Variants in GYPE observed in about 807,000 individuals in gnomAD.
GYPE encodes glycophorin E (MNS blood group), also known as glycophorin-E.
A neutral mutation model predicts 11.6 loss-of-function variants in GYPE; 8 were observed. That is an observed-to-expected ratio of 0.69 (90% confidence interval 0.41 to 1.25). The LOEUF (loss-of-function observed/expected upper bound fraction) is 1.25, where lower values mean the gene tolerates loss of function less well. Among genes scored for constraint, GYPE ranks in the 50% most tolerant of loss-of-function variants. The pLI is 0.01. For synonymous variants in GYPE, 28 were observed against 29.6 expected, an observed-to-expected ratio of 0.94 and a Z score of 0.18; for missense variants, 90 against 92.8, an observed-to-expected ratio of 0.97 and a Z score of 0.12.
At chr4:143,872,793 G>T (rs1743660896) in intron 3 of GYPE, among the ~76,000 whole-genome samples, 1 of 152,230 alleles carries the variant, frequency 6.6e-6, no homozygotes, top group East Asian at 1.9e-4. Flanking sequence ...TTAGAACAAA[G>T]TTCCTAAGAA....
chr4:143,905,257 G>A (rs566975542), intron 1 of GYPE, among the ~76,000 whole-genome samples: 2 of 152,236 alleles, frequency 1.3e-5, no homozygotes. Flanking sequence ...TCTCATACTA[G>A]AAAACTGGAT....
At chr4:143,873,172 C>A (rs1337586309) in intron 3 of GYPE, among the ~76,000 whole-genome samples, 1 of 152,068 alleles carries the variant, frequency 6.6e-6, no homozygotes, top group African/African-American at 2.4e-5. Flanking sequence ...TTAGTGATTT[C>A]TTTTTAAAAT....
At chr4:143,891,596 G>A (rs1744409060) in intron 1 of GYPE, among the ~76,000 whole-genome samples, 3 of 151,926 alleles carry the variant, frequency 2.0e-5, no homozygotes, top group Admixed American at 2.0e-4. Context: ...CCAAAGTGAG[G>A]GGATTACAAG....
At position 143,876,826 on chromosome 4, in the gene GYPE, C is replaced by A; in HGVS notation, c.166G>T (p.Ala56Ser). The change falls in exon 3 of 4, where the codon GCT (alanine) becomes TCT (serine). Residue 56 changes from alanine to serine, a missense_variant. Coordinates refer to ENST00000358615, the MANE Select transcript of GYPE (RefSeq NM_198682.3). The stretch of plus-strand genomic sequence containing the variant: ...AGCATCACCTCAAAAATAACACGAG[C>A]CATCGCCCACCAATTAATGAGTGTT... ...GITLINWWAM[A>S]RVIFEVMLVV... 6.2e-7 allele frequency: 1 copy of A among 1,609,860 alleles called. No homozygotes were observed. Among genetic ancestry groups the A allele is most frequent in the Non-Finnish European group, 8.5e-7 (1 of 1,176,808 alleles).
chr4:143,893,929 C>G lies in GYPE; in HGVS notation c.37+11542G>C, dbSNP rs1251701048. 5.9e-5 allele frequency among the ~76,000 whole-genome samples: 9 copies of G among 152,234 alleles called. No individual in the cohort carries two copies. In the East Asian group the frequency reaches 1.7e-3, roughly 29 times the overall value. On this transcript the variant is annotated intron_variant, in intron 1 of 3. Coordinates refer to ENST00000358615, the MANE Select transcript of GYPE (RefSeq NM_198682.3). ...GTTTTCCAACTTGTTTCCATTCTCC[C>G]CATCACTTTCAGGTACACCAATAAG...
At chr4:143,885,271 G>A (rs2007929) in intron 1 of GYPE, among the ~76,000 whole-genome samples, 4 of 152,116 alleles carry the variant, frequency 2.6e-5, no homozygotes, top group Non-Finnish European at 4.4e-5. Flanking sequence ...GAAGTCAGAG[G>A]AGGTGAAAAG....
At chr4:143,901,430 A>G (rs1744863353) in intron 1 of GYPE, among the ~76,000 whole-genome samples, 1 of 151,388 alleles carries the variant, frequency 6.6e-6, no homozygotes, top group African/African-American at 2.4e-5. Context: ...GAGAAAAAAA[A>G]AATAAAATCT....
At chr4:143,903,581 A>G (rs1166680790) in intron 1 of GYPE, among the ~76,000 whole-genome samples, 4 of 150,600 alleles carry the variant, frequency 2.7e-5, no homozygotes, top group Admixed American at 6.7e-5. Context: ...TTTAGTCTTC[A>G]GCTAATCAGT....
At chr4:143,881,213 G>A (rs569805833) in intron 1 of GYPE, among the ~76,000 whole-genome samples, 6 of 150,080 alleles carry the variant, frequency 4.0e-5, no homozygotes, top group East Asian at 2.0e-4. Flanking sequence ...AACCACGCAC[G>A]CAAACATGAA....
At chr4:143,878,535 T>A in intron 2 of GYPE, 1 of 419,824 alleles carries the variant, frequency 2.4e-6, no homozygotes, top group South Asian at 1.9e-5. Flanking sequence ...TAACAACATA[T>A]GCTCTTCTGT....
intron 1 of GYPE, among the ~76,000 whole-genome samples, chr4:143,889,163 C>T (rs1342474093): frequency 1.3e-5 from 2 of 150,940 alleles, no homozygotes; most frequent in Non-Finnish European, 2.9e-5. Context: ...TATTCTATCT[C>T]GAAGGTGTTG....
intron 1 of GYPE, among the ~76,000 whole-genome samples, chr4:143,882,546 A>G (rs996934465): frequency 2.6e-5 from 4 of 152,214 alleles, no homozygotes; most frequent in African/African-American, 9.6e-5. Flanking sequence ...TAAAATAACA[A>G]GCCAAAAAAA....
At chr4:143,897,021 G>T (rs1231335627) in intron 1 of GYPE, among the ~76,000 whole-genome samples, 3 of 152,088 alleles carry the variant, frequency 2.0e-5, no homozygotes, top group Admixed American at 6.5e-5. Flanking sequence ...GTGGGGGCAG[G>T]GGGGAGGGAT....
intron 1 of GYPE, among the ~76,000 whole-genome samples, chr4:143,891,702 G>C (rs1035205672): frequency 6.6e-6 from 1 of 151,928 alleles, no homozygotes; most frequent in Non-Finnish European, 1.5e-5. Flanking sequence ...CTAGGGTGCC[G>C]GCCGTTCACA....
At chr4:143,873,652 A>C (rs1743692096) in intron 3 of GYPE, among the ~76,000 whole-genome samples, 1 of 152,218 alleles carries the variant, frequency 6.6e-6, no homozygotes, top group Non-Finnish European at 1.5e-5. Flanking sequence ...AGTGATGTTC[A>C]TCAGCTGATT....
chr4:143,878,394 T>C (rs1350661943), intron 2 of GYPE, among the ~76,000 whole-genome samples: 1 of 152,198 alleles, frequency 6.6e-6, no homozygotes, highest in South Asian at 2.1e-4. Flanking sequence ...GCTTGGCCTC[T>C]GAAAATTCTG....
chr4:143,896,256 C>T (rs1482156999), intron 1 of GYPE, among the ~76,000 whole-genome samples: 1 of 152,098 alleles, frequency 6.6e-6, no homozygotes, highest in Non-Finnish European at 1.5e-5. Context: ...GCAACCTACT[C>T]ATCTGACAAA....
intron 1 of GYPE, among the ~76,000 whole-genome samples, chr4:143,890,920 G>T (rs1379378942): frequency 6.6e-6 from 1 of 151,508 alleles, no homozygotes; most frequent in African/African-American, 2.4e-5. Flanking sequence ...GAACTGCTTG[G>T]TGGAAGTTGG....
chr4:143,890,689 G>A (rs967238703), intron 1 of GYPE, among the ~76,000 whole-genome samples: 1 of 152,056 alleles, frequency 6.6e-6, no homozygotes, highest in African/African-American at 2.4e-5. Context: ...CATTGTCTAT[G>A]GTTCTAGTGT....
Sources: allele counts gnomAD v4.1 joint callset (sites outside exome capture counted in the v4.1 genomes callset), GRCh38; gene constraint gnomAD v4.1.1; transcripts MANE v1.5; gene names NCBI Gene and HGNC (gene_info 2026-07-23, HGNC 2026-07-21).